Variants in ITPK1 observed in about 807,000 individuals in gnomAD.
ITPK1 encodes inositol-tetrakisphosphate 1-kinase.
Under a neutral mutation model 45.3 loss-of-function variants are expected in ITPK1, and 21 were observed. The ratio of observed to expected loss-of-function variants is 0.46; its 90% CI spans 0.33 to 0.67. ITPK1 has a LOEUF of 0.67. Among genes scored for constraint, ITPK1 ranks in the 30% least tolerant of loss-of-function variants. ITPK1 has a pLI of 0.02. For synonymous variants in ITPK1, 258 were observed against 253.6 expected (o/e 1.02, Z -0.16); for missense variants, 474 against 573.5 (o/e 0.83, Z 1.77).
chr14:92,979,251 T>C (rs1429649706), intron 5 of ITPK1, among the ~76,000 whole-genome samples: 1 of 152,266 alleles, frequency 6.6e-6, no homozygotes, highest in African/African-American at 2.4e-5. Context: ...CCAATGACTG[T>C]ACCCTCATTG....
At chr14:92,971,289 T>A (rs1885640706) in intron 5 of ITPK1, among the ~76,000 whole-genome samples, 1 of 152,128 alleles carries the variant, frequency 6.6e-6, no homozygotes, top group Non-Finnish European at 1.5e-5. Flanking sequence ...GGCCAAGAAA[T>A]TTTGCTTTGT....
At chr14:92,970,465 T>G (rs1177085856) in intron 5 of ITPK1, among the ~76,000 whole-genome samples, 2 of 152,188 alleles carry the variant, frequency 1.3e-5, no homozygotes, top group Non-Finnish European at 2.9e-5. Context: ...CAGCTATGTG[T>G]GCCTCCGACA....
intron 3 of ITPK1, among the ~76,000 whole-genome samples, chr14:93,056,671 C>T (rs955199013): frequency 6.6e-6 from 1 of 152,202 alleles, no homozygotes; most frequent in African/African-American, 2.4e-5. Flanking sequence ...ATTCCAGAAC[C>T]TTCTATACCA....
intron 3 of ITPK1, among the ~76,000 whole-genome samples, chr14:93,042,387 G>C (rs1034307842): frequency 6.6e-6 from 1 of 152,140 alleles, no homozygotes; most frequent in African/African-American, 2.4e-5. Context: ...CTTGATGCTG[G>C]GGGTTTTGGA....
chr14:93,096,670 A>G (rs1892094381), intron 2 of ITPK1, among the ~76,000 whole-genome samples: 1 of 152,240 alleles, frequency 6.6e-6, no homozygotes, highest in African/African-American at 2.4e-5. Flanking sequence ...TCCTGGCTGC[A>G]GATTCACCGC....
At chr14:92,976,656 G>A (rs1351690995) in intron 5 of ITPK1, among the ~76,000 whole-genome samples, 2 of 152,206 alleles carry the variant, frequency 1.3e-5, no homozygotes, top group Non-Finnish European at 1.5e-5. Flanking sequence ...TGTGCTCTGC[G>A]CCATCAACAA....
intron 2 of ITPK1, among the ~76,000 whole-genome samples, chr14:93,097,636 G>A (rs868361738): frequency 2.0e-5 from 3 of 152,310 alleles, no homozygotes; most frequent in Middle Eastern, 6.8e-3. Flanking sequence ...TTACCTACAC[G>A]TAACGGAATC....
intron 3 of ITPK1, among the ~76,000 whole-genome samples, chr14:93,031,062 C>T (rs1421414008): frequency 1.3e-5 from 2 of 152,176 alleles, no homozygotes; most frequent in Non-Finnish European, 2.9e-5. Flanking sequence ...GACTTCTCAC[C>T]TCCGGAACTG....
chr14:93,054,797 C>G (rs2139936497), intron 3 of ITPK1, among the ~76,000 whole-genome samples: 1 of 152,344 alleles, frequency 6.6e-6, no homozygotes. Context: ...CTCTCTGCCT[C>G]TCATGGCTTT....
chr14:93,016,939 AG>A lies in ITPK1; in HGVS notation c.121-139del. On this transcript the variant is annotated intron_variant, in intron 3 of 10. Transcript: ENST00000267615. This position sits in a 1 kb window ranked among gnomAD's most constrained non-coding sequence, Gnocchi z 5.0. ...AGCACTCTGGAGATGGGGCAGGAGG[AG>A]GGCTGACATGGAAAATACAGACAGG... 8.9e-7 allele frequency: 1 copy of A among 1,119,900 alleles called. No individual in the cohort carries two copies. Among genetic ancestry groups the A allele is most frequent in the Non-Finnish European group, 1.3e-6 (1 of 793,778 alleles). 69.4% of individuals were successfully genotyped at this position (1,119,900 alleles called of 1,614,324 possible).
chr14:93,003,003 T>C (rs1341377150), intron 4 of ITPK1, among the ~76,000 whole-genome samples: 1 of 152,040 alleles, frequency 6.6e-6, no homozygotes, highest in Admixed American at 6.5e-5. Context: ...ATACATGACA[T>C]AACTGAAGGC....
intron 3 of ITPK1, among the ~76,000 whole-genome samples, chr14:93,020,696 T>C (rs754015328): frequency 1.3e-5 from 2 of 152,196 alleles, no homozygotes; most frequent in Middle Eastern, 3.2e-3. Flanking sequence ...CACGGTATCA[T>C]ATAATCTTTC....
intron 3 of ITPK1, among the ~76,000 whole-genome samples, chr14:93,073,005 C>T (rs1413905007): frequency 6.6e-6 from 1 of 152,258 alleles, no homozygotes; most frequent in Non-Finnish European, 1.5e-5. Context: ...CTGTACTTGA[C>T]CACCAGGAGG....
At chr14:93,038,349 T>C (rs557489750) in intron 3 of ITPK1, among the ~76,000 whole-genome samples, 1 of 152,260 alleles carries the variant, frequency 6.6e-6, no homozygotes, top group African/African-American at 2.4e-5. Context: ...TTGCATATTC[T>C]TCTAAAGCAT....
intron 4 of ITPK1, among the ~76,000 whole-genome samples, chr14:93,002,545 G>A (rs1459989619): frequency 6.6e-6 from 1 of 152,088 alleles, no homozygotes; most frequent in Non-Finnish European, 1.5e-5. Context: ...GTTGCTCTGG[G>A]GCATTTCAGG....
intron 5 of ITPK1, among the ~76,000 whole-genome samples, chr14:92,973,293 A>G (rs1364300551): frequency 1.3e-5 from 2 of 152,200 alleles, no homozygotes; most frequent in African/African-American, 2.4e-5. Context: ...ACGTGTGAAG[A>G]TAAGTTGATG....
At position 93,085,521 on chromosome 14, in the gene ITPK1, C is replaced by G. The variant is rs538497064; in HGVS notation, c.96-8902G>C. On this transcript the variant is annotated intron_variant, in intron 2 of 10. Transcript: ENST00000267615. ...CCAGTGAACAGGCACAAGAGAGAGA[C>G]AGAGTGGGTGACCCACCTTTGGCAC... 4.6e-5 allele frequency among the ~76,000 whole-genome samples: 7 copies of G among 152,300 alleles called. No individual in the cohort carries two copies. The South Asian group carries it at 1.2e-3, about 27-fold the overall frequency.
chr14:93,093,565 T>G (rs747833841), intron 2 of ITPK1, among the ~76,000 whole-genome samples: 1 of 152,166 alleles, frequency 6.6e-6, no homozygotes, highest in African/African-American at 2.4e-5. Context: ...AACATGAATG[T>G]GCCGTGTGTA....
At chr14:93,079,182 G>A (rs1193082654) in intron 2 of ITPK1, among the ~76,000 whole-genome samples, 1 of 152,138 alleles carries the variant, frequency 6.6e-6, no homozygotes, top group Non-Finnish European at 1.5e-5. Flanking sequence ...AAATAAGAAA[G>A]CAACAAAAAA....
Sources: gnomAD v4.1 joint callset for allele counts (sites outside exome capture counted in the v4.1 genomes callset) on GRCh38, gnomAD v4.1.1 for gene constraint, Gnocchi (gnomAD v3.1) non-coding constraint, MANE v1.5 for transcripts, NCBI Gene and HGNC (gene_info 2026-07-23, HGNC 2026-07-21) for gene names.